ZNF543: variants seen among roughly 807,000 people sequenced by gnomAD.
ZNF543 encodes the protein zinc finger protein 543.
ZNF543 carries 10 observed loss-of-function variants against 13.4 expected under a neutral mutation model. The observed-to-expected ratio is 0.75, with a 90% CI of 0.46 to 1.26. The LOEUF (loss-of-function observed/expected upper bound fraction) is 1.26. Ranked by LOEUF, ZNF543 falls within the 50% of genes most tolerant of loss-of-function variation. ZNF543 has a pLI of 0.00. For missense variants in ZNF543, 768 were observed against 741.2 expected (o/e 1.04, Z -0.42); for synonymous variants, 272 against 264.7 (o/e 1.03, Z -0.27).
At chr19:57,323,515 G>A (rs2088102652) in intron 1 of ZNF543, 167 bp from the exon 2 acceptor site, 2 of 891,494 alleles carry the variant, frequency 2.2e-6, no homozygotes, top group Middle Eastern at 3.5e-4. Flanking sequence ...TTTATCCAAG[G>A]CAATGTCCAC....
At chr19:57,325,382 T>C (rs1156294977) in intron 2 of ZNF543, among the ~76,000 whole-genome samples, 1 of 152,156 alleles carries the variant, frequency 6.6e-6, no homozygotes, top group African/African-American at 2.4e-5. Flanking sequence ...CTCCATAGAG[T>C]ACTTATGTCT....
chr19:57,328,767 C>T lies in ZNF543; in HGVS notation c.1305C>T (p.Cys435=). The change falls in exon 4 of 4, where the codon TGC becomes TGT. Residue 435 remains cysteine (C), a synonymous_variant. Coordinates refer to ENST00000321545, the MANE Select transcript of ZNF543 (RefSeq NM_213598.4). ...CSECGKAFTH[C]STFVLHKRTH... ...AATGTGGAAAGGCCTTCACCCACTGCTCCACTTTTGTCTTGCATAAAAGGA... is the reference window on the plus strand; with the variant it reads ...AATGTGGAAAGGCCTTCACCCACTGTTCCACTTTTGTCTTGCATAAAAGGA... The T allele has an allele frequency of 6.2e-7, 1 of 1,614,136 alleles. No homozygotes were observed. The highest frequency in any genetic ancestry group is 8.5e-7 in the Non-Finnish European group (1 of 1,180,032).
At chr19:57,323,845 G>C in intron 2 of ZNF543, 37 bp downstream of exon 2, 1 of 1,599,060 alleles carries the variant, frequency 6.3e-7, no homozygotes, top group Non-Finnish European at 8.5e-7. Context: ...CCTTAGGATT[G>C]AGTTCTCCTA....
rs145907458 is a variant in ZNF543, at chr19:57,328,730, A to G, written c.1268A>G (p.Tyr423Cys). Reference protein sequence around the residue: ...HQRIHTGEKPYECSECGKAFT... With the variant: ...HQRIHTGEKPCECSECGKAFT... ...CGGATTCACACTGGGGAGAAGCCTTATGAATGCAGTGAATGTGGAAAGGCC... is the reference window on the plus strand; with the variant it reads ...CGGATTCACACTGGGGAGAAGCCTTGTGAATGCAGTGAATGTGGAAAGGCC... The change falls in exon 4 of 4, where the codon TAT (tyrosine) becomes TGT (cysteine). Residue 423 changes from tyrosine to cysteine, a missense_variant. Coordinates refer to ENST00000321545, the MANE Select transcript of ZNF543 (RefSeq NM_213598.4). 160 of 1,613,794 alleles carry G rather than the reference A, an allele frequency of 9.9e-5. No individual in the cohort carries two copies. Among genetic ancestry groups the G allele is most frequent in the Non-Finnish European group, 1.3e-4 (150 of 1,179,990 alleles).
Position 57,329,456 on chromosome 19 carries a change from G to A in ZNF543, c.*191G>A, listed in dbSNP as rs1224665139. ...AGACCCAGTGGTTGCTATGCACTTA[G>A]GAAAACTTTCAGCCACATCTTTCTT... On this transcript the variant is annotated 3_prime_UTR_variant, in exon 4 of 4. Coordinates refer to ENST00000321545, the MANE Select transcript of ZNF543 (RefSeq NM_213598.4). 20 of 618,864 alleles carry A rather than the reference G, an allele frequency of 3.2e-5. 1 individual carries two copies. The highest frequency in any genetic ancestry group is 4.2e-5 in the Non-Finnish European group (16 of 384,788). The allele number at this position is 618,864 out of a possible 1,614,324, so 38.3% of individuals were successfully genotyped here. A position where few individuals can be genotyped will look rare whatever the true frequency, so the allele number is the denominator to read the frequency against.
chr19:57,328,639 A>T lies in ZNF543; in HGVS notation c.1177A>T (p.Lys393Ter). 1 of 1,613,906 alleles carries T rather than the reference A, an allele frequency of 6.2e-7. No homozygotes were observed. Among genetic ancestry groups the T allele is most frequent in the East Asian group, 2.2e-5 (1 of 44,844 alleles). The change falls in exon 4 of 4, where the codon AAG (lysine) becomes TAG (stop). Residue 393 changes from lysine (K) to a stop codon, truncating the protein, a stop_gained. Coordinates refer to ENST00000321545, the MANE Select transcript of ZNF543 (RefSeq NM_213598.4). LOFTEE classifies it low-confidence loss of function (END_TRUNC). ...IQHYIIHTGE[K>*]PYKCMECGKA... is the part of the protein sequence containing the mutation. ...ACACTACATTATCCACACTGGGGAG[A>T]AGCCCTATAAGTGCATGGAGTGTGG...
chr19:57,326,397 C>G (rs942138374), intron 2 of ZNF543, among the ~76,000 whole-genome samples: 1 of 152,148 alleles, frequency 6.6e-6, no homozygotes. Flanking sequence ...AACTCCTGAC[C>G]TCAGGTGATC....
rs34137895 is a variant in ZNF543 at position 57,322,482 on chromosome 19, C to CAAAA, written c.19-1186_19-1183dup. On this transcript the variant is annotated intron_variant, in intron 1 of 3. Coordinates refer to ENST00000321545, the MANE Select transcript of ZNF543 (RefSeq NM_213598.4). ...TGGGCAAAATATTGAGACCCTGTCT[C>CAAAA]AAAAAAAAAAAAAAAAATCCTGAAA... is the stretch of plus-strand genomic sequence containing the variant. Among the ~76,000 whole-genome samples, 206 of 128,556 alleles carry CAAAA rather than the reference C, an allele frequency of 1.6e-3. 1 individual carries two copies. The highest frequency in any genetic ancestry group is 4.3e-3 in the Middle Eastern group (1 of 234). The allele number at this position is 128,556 out of a possible 152,430, so 84.3% of individuals were successfully genotyped here.
intron 2 of ZNF543, among the ~76,000 whole-genome samples, chr19:57,326,363 A>G (rs949230855): frequency 7.2e-5 from 11 of 151,980 alleles, no homozygotes; most frequent in Admixed American, 2.0e-4. Flanking sequence ...ATGGGGTTTC[A>G]CCATGTTGGG....
chr19:57,328,844 G>C lies in ZNF543; in HGVS notation c.1382G>C (p.Ser461Thr), dbSNP rs1275415065. 1 of 1,613,908 alleles carries C rather than the reference G, an allele frequency of 6.2e-7. No individual in the cohort carries two copies. The highest frequency in any genetic ancestry group is 8.5e-7 in the Non-Finnish European group (1 of 1,180,012). ...TGCAAAGAATGTGGAAAAGCCTTTA[G>C]TGATAGGGCAGACCTCATTCGCCAC... ...YECKECGKAF[S>T]DRADLIRHFS... Residue 461 changes from serine to threonine, a missense_variant, in exon 4 of 4, where the codon AGT becomes ACT. Ser to Thr is a moderately conservative substitution (Grantham distance 58). This residue lies in a region of ZNF543 where 677 missense variants were observed against 631.4 expected (regional missense o/e 1.07). Coordinates refer to ENST00000321545, the MANE Select transcript of ZNF543 (RefSeq NM_213598.4).
Position 57,320,547 on chromosome 19 carries a change from C to A in ZNF543, c.-307C>A. 1 of 383,862 alleles carries A rather than the reference C, an allele frequency of 2.6e-6. No homozygotes were observed. The highest frequency in any genetic ancestry group is 4.8e-6 in the Non-Finnish European group (1 of 208,564). 23.8% of individuals were successfully genotyped at this position (383,862 alleles called of 1,614,324 possible). ...GCCTGGACCGCTGGGTAGGCGCGTCCAGCGGCCTGAGCAGGGGAGGGTAAT... is the reference window on the plus strand; with the variant it reads ...GCCTGGACCGCTGGGTAGGCGCGTCAAGCGGCCTGAGCAGGGGAGGGTAAT... On this transcript the variant is annotated 5_prime_UTR_variant, in exon 1 of 4. Coordinates refer to ENST00000321545, the MANE Select transcript of ZNF543 (RefSeq NM_213598.4).
In ZNF543 at chr19:57,328,129, CAAGTG is replaced by C. The variant is rs775790414; in HGVS notation, c.671_675del (p.Val224AlafsTer3). 11 of 1,614,242 alleles carry C rather than the reference CAAGTG, an allele frequency of 6.8e-6. No individual in the cohort carries two copies. The highest frequency in any genetic ancestry group is 1.3e-5 in the African/African-American group (1 of 75,066). On this transcript the variant is annotated frameshift_variant, in exon 4 of 4. Coordinates refer to ENST00000321545, the MANE Select transcript of ZNF543 (RefSeq NM_213598.4). LOFTEE classifies it low-confidence loss of function (END_TRUNC). ...TGTTCAGCATGAACGGATTCACACT[CAAGTG>C]AAGCCCTATGAATGCACAGAGTGTG...
chr19:57,326,766 GC>G, intron 3 of ZNF543, 38 bp downstream of exon 3: 1 of 1,536,550 alleles, frequency 6.5e-7, no homozygotes, highest in Non-Finnish European at 9.0e-7. Flanking sequence ...GGTCATGGCA[GC>G]TTACACATGG....
intron 2 of ZNF543, among the ~76,000 whole-genome samples, chr19:57,325,432 G>T (rs1015828630): frequency 1.3e-5 from 2 of 152,146 alleles, no homozygotes; most frequent in Non-Finnish European, 2.9e-5. Flanking sequence ...GGCTATATGT[G>T]CAGATCAGCT....
intron 2 of ZNF543, among the ~76,000 whole-genome samples, chr19:57,324,567 A>G (rs1297955474): frequency 2.0e-5 from 3 of 152,144 alleles, no homozygotes; most frequent in East Asian, 1.9e-4. Context: ...ACAACTTTGT[A>G]TAGTTTTTTA....
chr19:57,328,935 C>T lies in ZNF543; in HGVS notation c.1473C>T (p.Ser491=). ...AGTGTGGAAAGGCCTTCAACCGCAGCTCACACCTCACGAGGCACCAACAGA... is the reference window on the plus strand; with the variant it reads ...AGTGTGGAAAGGCCTTCAACCGCAGTTCACACCTCACGAGGCACCAACAGA... ...CVECGKAFNR[S]SHLTRHQQIH... Residue 491 remains serine, a synonymous_variant, in exon 4 of 4, where the codon AGC becomes AGT. Coordinates refer to ENST00000321545, the MANE Select transcript of ZNF543 (RefSeq NM_213598.4). The T allele has an allele frequency of 6.2e-7, 1 of 1,612,542 alleles. No individual in the cohort carries two copies.
chr19:57,327,011 G>A (rs1011887741), intron 3 of ZNF543, among the ~76,000 whole-genome samples: 27 of 149,804 alleles, frequency 1.8e-4, no homozygotes, highest in African/African-American at 5.7e-4. Flanking sequence ...GAGACTACAG[G>A]CATATGCACC....
In ZNF543 at chr19:57,329,451, A is replaced by C. The variant is rs866362851; in HGVS notation, c.*186A>C. 8.0e-6 allele frequency: 5 copies of C among 623,366 alleles called. No individual in the cohort carries two copies. In the Admixed American group the frequency reaches 1.0e-4, roughly 13 times the overall value. The allele number at this position is 623,366 out of a possible 1,614,324, so 38.6% of individuals were successfully genotyped here. A position where few individuals can be genotyped will look rare whatever the true frequency, so the allele number is the denominator to read the frequency against. ...GAGAGAGACCCAGTGGTTGCTATGC[A>C]CTTAGGAAAACTTTCAGCCACATCT... On this transcript the variant is annotated 3_prime_UTR_variant, in exon 4 of 4. Coordinates refer to ENST00000321545, the MANE Select transcript of ZNF543 (RefSeq NM_213598.4).
At chr19:57,323,906 A>C in intron 2 of ZNF543, 98 bp downstream of exon 2, 1 of 1,491,582 alleles carries the variant, frequency 6.7e-7, no homozygotes, top group Admixed American at 1.9e-5. Context: ...GGCTCCTGGC[A>C]CCACGCAGGG....
Sources: gnomAD v4.1 joint callset for allele counts (sites outside exome capture counted in the v4.1 genomes callset) on GRCh38, gnomAD v4.1.1 for gene constraint, gnomAD v4.1.1 regional missense constraint, MANE v1.5 for transcripts, NCBI Gene and HGNC (gene_info 2026-07-23, HGNC 2026-07-21) for gene names.